Variants in SLC1A3 observed in about 807,000 individuals in gnomAD.
The protein encoded by SLC1A3 is excitatory amino acid transporter 1.
A neutral mutation model predicts 48.1 loss-of-function variants in SLC1A3; 21 were observed. The observed-to-expected ratio is 0.44, with a 90% CI of 0.31 to 0.63. SLC1A3 has a LOEUF of 0.63. SLC1A3 is among the 20% of genes least tolerant of loss of function. SLC1A3 has a pLI of 0.08. For missense variants in SLC1A3, 546 were observed against 689.0 expected (o/e 0.79, Z 2.32); for synonymous variants, 239 against 251.4 (o/e 0.95, Z 0.47).
At position 36,629,435 on chromosome 5, in the gene SLC1A3, T is replaced by A; in HGVS notation, c.182-15T>A. 1 of 1,608,260 alleles carries A rather than the reference T, an allele frequency of 6.2e-7. No homozygotes were observed. The highest frequency in any genetic ancestry group is 1.1e-5 in the South Asian group (1 of 90,560). On this transcript the variant is annotated splice_polypyrimidine_tract_variant and intron_variant, in intron 2 of 9. Coordinates refer to ENST00000265113, the MANE Select transcript of SLC1A3 (RefSeq NM_004172.5). ...ACTCAATTTTTCTTTTTCTTTTTTT[T>A]TTTTTTTCCTTCAGGTACAATCCTT...
Position 36,677,104 on chromosome 5 carries a change from G to T in SLC1A3, c.780G>T (p.Met260Ile). The change falls in exon 6 of 10, where the codon ATG becomes ATT. Residue 260 changes from methionine to isoleucine, a missense_variant. Around this residue, in one of 3 missense-constraint regions of SLC1A3, gnomAD observed 348 missense variants for 392.0 expected, o/e 0.89. Coordinates refer to ENST00000265113, the MANE Select transcript of SLC1A3 (RefSeq NM_004172.5). ...SMCFGFVIGN[M>I]KEQGQALREF... ...GCTTCGGTTTTGTGATTGGAAACAT[G>T]AAGGAACAGGGGCAGGCCCTGAGAG... 1 of 1,614,158 alleles carries T rather than the reference G, an allele frequency of 6.2e-7. No homozygotes were observed. Among genetic ancestry groups the T allele is most frequent in the Non-Finnish European group, 8.5e-7 (1 of 1,179,990 alleles).
At chr5:36,679,894 T>C (rs932175939) in intron 7 of SLC1A3, 34 bp downstream of exon 7, 7 of 1,498,416 alleles carry the variant, frequency 4.7e-6, no homozygotes, top group Non-Finnish European at 5.6e-6. Flanking sequence ...GAGTCTGAAA[T>C]GTTACCTTGA....
intron 3 of SLC1A3, chr5:36,636,498 T>A: frequency 9.1e-6 from 1 of 109,390 alleles, no homozygotes; most frequent in South Asian, 2.8e-4. Context: ...TTTCTTTCTT[T>A]CTTTCTTTTT....
intron 3 of SLC1A3, chr5:36,630,090 CT>C (rs1480930821): frequency 1.2e-5 from 2 of 163,236 alleles, no homozygotes; most frequent in East Asian, 3.5e-4. Flanking sequence ...CAACACTTAT[CT>C]TTTCCTGGTG....
In SLC1A3 at chr5:36,675,915, C is replaced by T. The variant is rs962670943; in HGVS notation, c.568-977C>T. Among the ~76,000 whole-genome samples the T allele has an allele frequency of 3.3e-5, 5 of 152,156 alleles. No homozygotes were observed. In the East Asian group the frequency reaches 7.7e-4, roughly 23 times the overall value. The stretch of plus-strand genomic sequence containing the variant: ...TTTCTTCCCCTAGACTCTAGATTCA[C>T]TCACCATCACTCACCATTATTACTC... On this transcript the variant is annotated intron_variant, in intron 5 of 9. Coordinates refer to ENST00000265113, the MANE Select transcript of SLC1A3 (RefSeq NM_004172.5).
intron 3 of SLC1A3, among the ~76,000 whole-genome samples, chr5:36,631,173 T>C (rs1740119535): frequency 6.6e-6 from 1 of 152,196 alleles, no homozygotes; most frequent in Admixed American, 6.5e-5. Context: ...TTCTGGATCT[T>C]TTATACTTTC....
intron 8 of SLC1A3, among the ~76,000 whole-genome samples, chr5:36,681,702 A>G (rs1344628140): frequency 1.3e-5 from 2 of 152,232 alleles, no homozygotes; most frequent in African/African-American, 4.8e-5. Context: ...GTGCAAATAT[A>G]ATCCCTCCTT....
intron 2 of SLC1A3, among the ~76,000 whole-genome samples, chr5:36,615,240 G>A (rs1335659572): frequency 6.6e-6 from 1 of 152,066 alleles, no homozygotes; most frequent in East Asian, 1.9e-4. Context: ...ACAAATCTCT[G>A]GGTCTCATTT....
At chr5:36,632,797 G>A (rs961783504) in intron 3 of SLC1A3, among the ~76,000 whole-genome samples, 1 of 152,174 alleles carries the variant, frequency 6.6e-6, no homozygotes, top group African/African-American at 2.4e-5. Flanking sequence ...AGACATCTAA[G>A]TTATATTTTT....
At chr5:36,623,097 A>G (rs1739751302) in intron 2 of SLC1A3, among the ~76,000 whole-genome samples, 1 of 152,066 alleles carries the variant, frequency 6.6e-6, no homozygotes, top group South Asian at 2.1e-4. Flanking sequence ...AACTTTCTGC[A>G]TTAGCAAAGA....
intron 3 of SLC1A3, among the ~76,000 whole-genome samples, chr5:36,642,539 A>AT (rs1479337871): frequency 6.6e-6 from 1 of 152,118 alleles, no homozygotes; most frequent in Non-Finnish European, 1.5e-5. Flanking sequence ...AGTTTGCCTT[A>AT]TTTTTTAAGA....
intron 2 of SLC1A3, among the ~76,000 whole-genome samples, chr5:36,617,415 C>CTTTTTTTTTTTTTTTTTTTTTTT (rs34710652): frequency 3.5e-5 from 2 of 57,676 alleles, no homozygotes; most frequent in Non-Finnish European, 3.1e-5. Flanking sequence ...AGGTTGCGGG[C>CTTTTTTTTTTTTTTTTTTTTTTT]TTTTTTTTTT....
At chr5:36,617,642 T>G (rs925131587) in intron 2 of SLC1A3, among the ~76,000 whole-genome samples, 1 of 152,164 alleles carries the variant, frequency 6.6e-6, no homozygotes, top group Non-Finnish European at 1.5e-5. Context: ...ACTCTTTGTA[T>G]ACAAATAATA....
intron 4 of SLC1A3, 38 bp from the exon 5 acceptor site, chr5:36,674,010 CT>C: frequency 2.6e-6 from 4 of 1,560,414 alleles, no homozygotes; most frequent in Non-Finnish European, 3.5e-6. Context: ...AAACTTATTA[CT>C]TGGAAAATTT....
intron 2 of SLC1A3, 101 bp downstream of exon 2, chr5:36,608,705 A>G (rs1283679393): frequency 6.5e-7 from 1 of 1,549,556 alleles, no homozygotes; most frequent in East Asian, 2.3e-5. Flanking sequence ...TAGGTATCAA[A>G]ATGGTAGCCT....
In SLC1A3 at chr5:36,686,471, T is replaced by A. The variant is rs901909979; in HGVS notation, c.*202T>A. ...TACAATTTTCATCCCACAATTGAAA[T>A]TTTTAAATCATTTCATGTTAGTCTT... On this transcript the variant is annotated 3_prime_UTR_variant, in exon 10 of 10. Coordinates refer to ENST00000265113, the MANE Select transcript of SLC1A3 (RefSeq NM_004172.5). 6 of 594,430 alleles carry A rather than the reference T, an allele frequency of 1.0e-5. No individual in the cohort carries two copies. The highest frequency in any genetic ancestry group is 2.0e-5 in the South Asian group (1 of 50,624). The allele number at this position is 594,430 out of a possible 1,614,324, so 36.8% of individuals were successfully genotyped here. A position where few individuals can be genotyped will look rare whatever the true frequency, so the allele number is the denominator to read the frequency against.
chr5:36,637,278 G>A (rs187797734), intron 3 of SLC1A3, among the ~76,000 whole-genome samples: 1 of 152,308 alleles, frequency 6.6e-6, no homozygotes, highest in Non-Finnish European at 1.5e-5. Flanking sequence ...GCTTAGAGGA[G>A]TTAAGCTTGT....
chr5:36,632,401 GC>G (rs751499387), intron 3 of SLC1A3, among the ~76,000 whole-genome samples: 1 of 152,204 alleles, frequency 6.6e-6, no homozygotes, highest in Non-Finnish European at 1.5e-5. Flanking sequence ...CCAATCATTG[GC>G]AGTCCTGTGC....
chr5:36,654,709 C>T (rs755344904), intron 3 of SLC1A3, among the ~76,000 whole-genome samples: 11 of 152,160 alleles, frequency 7.2e-5, no homozygotes, highest in Non-Finnish European at 1.3e-4. Context: ...GTGTGCTCTG[C>T]GTCATGCAGG....
Sources: gnomAD v4.1 joint callset for allele counts (sites outside exome capture counted in the v4.1 genomes callset) on GRCh38, gnomAD v4.1.1 for gene constraint, gnomAD v4.1.1 regional missense constraint, MANE v1.5 for transcripts, NCBI Gene and HGNC (gene_info 2026-07-23, HGNC 2026-07-21) for gene names.